Variants in SLCO1B1 observed in about 807,000 individuals in gnomAD.
SLCO1B1 encodes OATP-2.
In SLCO1B1, 81 loss-of-function variants were observed where a neutral mutation model predicts 70.1. The ratio of observed to expected loss-of-function variants is 1.16; its 90% confidence interval spans 0.97 to 1.39. The LOEUF is 1.39. SLCO1B1 is among the 40% of genes most tolerant of loss of function. SLCO1B1 has a pLI of 0.00. For synonymous variants in SLCO1B1, 283 were observed against 271.5 expected (o/e 1.04, Z -0.42); for missense variants, 895 against 799.6 (o/e 1.12, Z -1.44).
chr12:21,234,345 G>T (rs1941574375), intron 14 of SLCO1B1, among the ~76,000 whole-genome samples: 1 of 152,140 alleles, frequency 6.6e-6, no homozygotes, highest in African/African-American at 2.4e-5. Flanking sequence ...CAATAGTGCT[G>T]TTATCCTCAG....
chr12:21,168,950 A>C (rs1183053354), intron 2 of SLCO1B1, among the ~76,000 whole-genome samples: 1 of 151,810 alleles, frequency 6.6e-6, no homozygotes, highest in Non-Finnish European at 1.5e-5. Flanking sequence ...AAATTGCCAA[A>C]TTGAATGTCC....
At chr12:21,136,281 A>C (rs977805629) in intron 1 of SLCO1B1, among the ~76,000 whole-genome samples, 30 of 151,850 alleles carry the variant, frequency 2.0e-4, no homozygotes, top group Non-Finnish European at 2.8e-4. Flanking sequence ...CTTCATTTCA[A>C]CTTTGGTGAA....
At chr12:21,177,905 A>G (rs1940841342) in intron 5 of SLCO1B1, among the ~76,000 whole-genome samples, 1 of 152,106 alleles carries the variant, frequency 6.6e-6, no homozygotes, top group Admixed American at 6.5e-5. Flanking sequence ...TTAACTGTGT[A>G]TACCATTTAA....
intron 11 of SLCO1B1, among the ~76,000 whole-genome samples, chr12:21,206,371 T>C (rs1941215054): frequency 6.6e-6 from 1 of 151,890 alleles, no homozygotes; most frequent in African/African-American, 2.4e-5. Context: ...TTTCATTAAG[T>C]TGGAATTACT....
intron 2 of SLCO1B1, among the ~76,000 whole-genome samples, chr12:21,160,672 ATTAAAC>A (rs898646844): frequency 6.6e-6 from 1 of 152,182 alleles, no homozygotes; most frequent in Admixed American, 6.5e-5. Context: ...ATGAGATATA[ATTAAAC>A]TTAAGAGCTT....
intron 8 of SLCO1B1, among the ~76,000 whole-genome samples, chr12:21,199,793 G>T (rs987957643): frequency 4.9e-5 from 7 of 141,898 alleles, no homozygotes; most frequent in African/African-American, 8.8e-5. Context: ...GGGTTTTTTT[G>T]TTTGTTTGTT....
At chr12:21,217,019 G>A in intron 11 of SLCO1B1, 100 bp from the exon 12 acceptor site, 1 of 873,810 alleles carries the variant, frequency 1.1e-6, no homozygotes, top group Non-Finnish European at 1.9e-6. Context: ...AAATATATTA[G>A]TTTGAACAAG....
At chr12:21,192,220 C>T (rs919641731) in intron 7 of SLCO1B1, among the ~76,000 whole-genome samples, 9 of 151,746 alleles carry the variant, frequency 5.9e-5, no homozygotes, top group African/African-American at 2.2e-4. Context: ...TAGTAACACG[C>T]ACCAGTAAAG....
chr12:21,180,001 G>T (rs1940874262), intron 7 of SLCO1B1, among the ~76,000 whole-genome samples: 1 of 152,048 alleles, frequency 6.6e-6, no homozygotes, highest in African/African-American at 2.4e-5. Context: ...ATCTGCTTCT[G>T]TTATTAGTGA....
At chr12:21,139,353 T>C (rs1940275722) in intron 1 of SLCO1B1, among the ~76,000 whole-genome samples, 1 of 152,038 alleles carries the variant, frequency 6.6e-6, no homozygotes, top group African/African-American at 2.4e-5. Flanking sequence ...ACCCGACATA[T>C]CTAGGTACAG....
intron 2 of SLCO1B1, among the ~76,000 whole-genome samples, chr12:21,159,053 A>G (rs1283184998): frequency 6.6e-6 from 1 of 152,166 alleles, no homozygotes; most frequent in Non-Finnish European, 1.5e-5. Context: ...TTACATATAT[A>G]TGAATAATTG....
chr12:21,203,551 G>T (rs1941181456), intron 10 of SLCO1B1, among the ~76,000 whole-genome samples: 1 of 151,974 alleles, frequency 6.6e-6, no homozygotes. Flanking sequence ...ATCCCATGAG[G>T]TGTTGGTTTT....
intron 1 of SLCO1B1, among the ~76,000 whole-genome samples, chr12:21,141,305 A>G (rs999540332): frequency 1.3e-5 from 2 of 151,778 alleles, no homozygotes; most frequent in East Asian, 1.9e-4. Context: ...TTATTTTTCT[A>G]TTAAATTGTA....
intron 11 of SLCO1B1, among the ~76,000 whole-genome samples, chr12:21,210,435 C>A (rs1941269397): frequency 9.1e-6 from 1 of 110,312 alleles, no homozygotes; most frequent in South Asian, 2.8e-4. Context: ...GTTTTGGTAC[C>A]AGTACCATGC....
chr12:21,155,344 C>A (rs1383207479), intron 2 of SLCO1B1, among the ~76,000 whole-genome samples: 1 of 151,808 alleles, frequency 6.6e-6, no homozygotes, highest in Non-Finnish European at 1.5e-5. Flanking sequence ...TTATTTTATA[C>A]TATTTTACAT....
At chr12:21,135,779 T>C (rs1461454803) in intron 1 of SLCO1B1, among the ~76,000 whole-genome samples, 1 of 152,236 alleles carries the variant, frequency 6.6e-6, no homozygotes, top group East Asian at 1.9e-4. Flanking sequence ...TGGTCTTGAC[T>C]CTTTATCCAA....
chr12:21,228,680 G>T (rs1941503526), intron 14 of SLCO1B1, among the ~76,000 whole-genome samples: 1 of 152,162 alleles, frequency 6.6e-6, no homozygotes, highest in Admixed American at 6.5e-5. Flanking sequence ...GAAGAAAGGG[G>T]CCAGGAGCCG....
chr12:21,179,735 T>C (rs759616561), intron 7 of SLCO1B1, among the ~76,000 whole-genome samples: 1 of 152,124 alleles, frequency 6.6e-6, no homozygotes, highest in Non-Finnish European at 1.5e-5. Context: ...TACATCTGTA[T>C]CCAATGTTGA....
intron 7 of SLCO1B1, among the ~76,000 whole-genome samples, chr12:21,194,586 C>T (rs78359510): frequency 0.01 from 1,575 of 152,116 alleles, 37 homozygotes; most frequent in South Asian, 0.039. Flanking sequence ...TATCAGTTTC[C>T]AAGAAGTTTC....
Sources: gnomAD v4.1 joint callset for allele counts (sites outside exome capture counted in the v4.1 genomes callset) on GRCh38, gnomAD v4.1.1 for gene constraint, MANE v1.5 for transcripts, NCBI Gene and HGNC (gene_info 2026-07-23, HGNC 2026-07-21) for gene names.